Variants in PDXDC1 observed in about 807,000 individuals in gnomAD.
PDXDC1 encodes the protein pyridoxal dependent decarboxylase domain containing 1.
In PDXDC1, 42 loss-of-function variants were observed where a neutral mutation model predicts 100.1. The observed-to-expected ratio is 0.42, with a 90% CI of 0.33 to 0.54. PDXDC1 has a LOEUF of 0.54. Among genes scored for constraint, PDXDC1 ranks in the 20% least tolerant of loss-of-function variants. The probability of loss-of-function intolerance (pLI) is 0.10; values close to 1 mark genes in which losing one functional copy is unlikely to be tolerated. For missense variants in PDXDC1, 636 were observed against 979.2 expected (o/e 0.65, Z 4.68); for synonymous variants, 260 against 371.7 (o/e 0.70, Z 3.46).
chr16:15,114,109 C>T, intron 16 of PDXDC1, among the ~76,000 whole-genome samples: 2 of 148,802 alleles, frequency 1.3e-5, no homozygotes, highest in East Asian at 4.0e-4. Context: ...TTTCCTTCCA[C>T]CCATACGATA....
At chr16:15,013,540 T>A in intron 8 of PDXDC1, among the ~76,000 whole-genome samples, 1 of 152,240 alleles carries the variant, frequency 6.6e-6, no homozygotes, top group Middle Eastern at 3.2e-3. Flanking sequence ...TCAAAACTCA[T>A]TGGACCGTAT....
chr16:15,045,160 A>T (rs12934815), intron 16 of PDXDC1: 1 of 148,730 alleles, frequency 6.7e-6, no homozygotes. Flanking sequence ...TTAGCCGGGC[A>T]TGGTGGCACA....
chr16:15,003,365 C>T (rs1439676962), intron 4 of PDXDC1, among the ~76,000 whole-genome samples: 1 of 152,196 alleles, frequency 6.6e-6, no homozygotes, highest in South Asian at 2.1e-4. Flanking sequence ...TACAGGTGCC[C>T]ACCACCAGGC....
chr16:15,124,671 C>G (rs1015923694), intron 16 of PDXDC1, among the ~76,000 whole-genome samples: 2 of 151,528 alleles, frequency 1.3e-5, no homozygotes, highest in African/African-American at 4.8e-5. Context: ...ACTTGGGAGG[C>G]TGAGGCAGGA....
At chr16:15,073,667 A>T (rs1166498868) in intron 16 of PDXDC1, among the ~76,000 whole-genome samples, 1 of 152,166 alleles carries the variant, frequency 6.6e-6, no homozygotes, top group East Asian at 1.9e-4. Flanking sequence ...TAATCCGATC[A>T]TTTTACTGTT....
downstream of PDXDC1, among the ~76,000 whole-genome samples, chr16:15,140,816 G>A (rs1218238888): frequency 1.3e-5 from 2 of 152,084 alleles, no homozygotes. Flanking sequence ...ACTCCCAGTA[G>A]TGCTCCTGGC....
chr16:15,099,540 C>G (rs1242842389), intron 16 of PDXDC1, among the ~76,000 whole-genome samples: 3 of 151,506 alleles, frequency 2.0e-5, no homozygotes, highest in African/African-American at 7.3e-5. Context: ...GTCAAATTGT[C>G]CTGTGGGCCA....
intron 16 of PDXDC1, chr16:15,131,094 C>T (rs1280878559): frequency 2.5e-6 from 4 of 1,607,028 alleles, no homozygotes; most frequent in Non-Finnish European, 3.4e-6. Flanking sequence ...CACCGTCCAG[C>T]AGCGTATAGT....
chr16:15,057,593 C>T (rs1003911011), intron 16 of PDXDC1, among the ~76,000 whole-genome samples: 8 of 152,184 alleles, frequency 5.3e-5, no homozygotes, highest in Non-Finnish European at 8.8e-5. Context: ...CTAGGAAGCT[C>T]GGAGCTAAAA....
At chr16:15,144,830 G>A in the PDXDC1 span, among the ~76,000 whole-genome samples, 20 of 152,310 alleles carry the variant, frequency 1.3e-4, no homozygotes, top group East Asian at 3.9e-4. Context: ...AAAAAGGGCC[G>A]TTTGGAGACA....
At chr16:14,988,723 A>C in intron 1 of PDXDC1, 1 of 1,613,874 alleles carries the variant, frequency 6.2e-7, no homozygotes, top group Non-Finnish European at 8.5e-7. Flanking sequence ...TGCAATGCAT[A>C]GCTGTTCTGC....
At chr16:15,060,767 G>A (rs1397208900) in intron 16 of PDXDC1, 1 of 152,260 alleles carries the variant, frequency 6.6e-6, no homozygotes, top group Non-Finnish European at 1.5e-5. Flanking sequence ...GACTGCACTA[G>A]CAACTTCCAC....
chr16:15,060,669 CCT>C (rs1348286867), intron 16 of PDXDC1: 2 of 152,382 alleles, frequency 1.3e-5, no homozygotes, highest in Admixed American at 6.5e-5. Context: ...CTGAAGACTT[CCT>C]CTGTTTAGTT....
intron 1 of PDXDC1, chr16:14,996,487 A>T (rs1219190385): frequency 2.0e-5 from 4 of 197,314 alleles, no homozygotes; most frequent in African/African-American, 9.5e-5. Context: ...CTCATACTAC[A>T]TAGAGATTGA....
intron 16 of PDXDC1, chr16:15,129,837 C>G (rs768942745): frequency 1.3e-5 from 10 of 747,490 alleles, no homozygotes; most frequent in Non-Finnish European, 2.4e-5. Context: ...ACCAGCACAG[C>G]CAGTGAGAGC....
At chr16:14,992,954 C>G (rs12445149) in intron 1 of PDXDC1, among the ~76,000 whole-genome samples, 1 of 151,570 alleles carries the variant, frequency 6.6e-6, no homozygotes, top group African/African-American at 2.4e-5. Flanking sequence ...CAGGCTCAAG[C>G]GATCCTCCTA....
chr16:15,010,217 C>T (rs1437712315), intron 8 of PDXDC1: 1 of 165,316 alleles, frequency 6.0e-6, no homozygotes. Flanking sequence ...TGGCTAATTT[C>T]TTGTATTTTT....
At chr16:15,101,290 A>G (rs1041452723) in intron 16 of PDXDC1, among the ~76,000 whole-genome samples, 7 of 152,172 alleles carry the variant, frequency 4.6e-5, no homozygotes, top group Non-Finnish European at 1.0e-4. Flanking sequence ...TATGAGGGAG[A>G]TAGACAGATA....
In PDXDC1 at chr16:15,027,934, C is replaced by T. The variant is rs562270085; in HGVS notation, c.1205-944C>T. Among the ~76,000 whole-genome samples, 74 of 152,366 alleles carry T rather than the reference C, an allele frequency of 4.9e-4. No homozygotes were observed. The East Asian group carries it at 6.0e-3, about 12-fold the overall frequency. ...GGGGGTAGAGTCCTAGCCAGGGACCCGCCTTTCTCTCCCCAGCACTTCCCT... is the reference window on the plus strand; with the variant it reads ...GGGGGTAGAGTCCTAGCCAGGGACCTGCCTTTCTCTCCCCAGCACTTCCCT... On this transcript the variant is annotated intron_variant, in intron 14 of 22. Coordinates refer to ENST00000396410, the MANE Select transcript of PDXDC1 (RefSeq NM_015027.4).
Sources: gnomAD v4.1 joint callset for allele counts (sites outside exome capture counted in the v4.1 genomes callset) on GRCh38, gnomAD v4.1.1 for gene constraint, MANE v1.5 for transcripts, NCBI Gene and HGNC (gene_info 2026-07-23, HGNC 2026-07-21) for gene names.